The following MSANTD1 variants were observed in gnomAD, a reference collection of about 807,000 sequenced individuals.
MSANTD1 encodes the protein Myb/SANT DNA binding domain containing 1.
MSANTD1 carries 7 observed loss-of-function variants against 24.2 expected under a neutral mutation model. The ratio of observed to expected loss-of-function variants is 0.29; its 90% CI spans 0.16 to 0.54. The LOEUF is 0.54. Ranked by LOEUF, MSANTD1 falls within the 20% of genes least tolerant of loss-of-function variation. The pLI is 0.94. For missense variants in MSANTD1, 384 were observed against 408.2 expected (o/e 0.94, Z 0.51); for synonymous variants, 177 against 181.1 (o/e 0.98, Z 0.18).
rs866518128 is a variant in MSANTD1 at position 3,249,212 on chromosome 4, G to A, written c.-11G>A. On this transcript the variant is annotated 5_prime_UTR_variant, in exon 1 of 3. Coordinates refer to ENST00000438480, the MANE Select transcript of MSANTD1 (RefSeq NM_001042690.2). ...CTGCCTTCGAGCGAGCGTGAGCGGC[G>A]CCTCCCGCCCATGGTGCGTGGGGCC... 28 of 1,381,152 alleles carry A rather than the reference G, an allele frequency of 2.0e-5. No individual in the cohort carries two copies. The highest frequency in any genetic ancestry group is 3.3e-5 in the Admixed American group (1 of 30,250). The allele number at this position is 1,381,152 out of a possible 1,614,324, so 85.6% of individuals were successfully genotyped here. A position where few individuals can be genotyped will look rare whatever the true frequency, so the allele number is the denominator to read the frequency against.
Position 3,253,153 on chromosome 4 carries a change from A to G in MSANTD1, c.321-54A>G, listed in dbSNP as rs1174375348. 5.4e-6 allele frequency: 8 copies of G among 1,475,016 alleles called. No homozygotes were observed. The African/African-American group carries it at 1.0e-4, about 18-fold the overall frequency. The allele number at this position is 1,475,016 out of a possible 1,614,324, so 91.4% of individuals were successfully genotyped here. ...CCCCTCTGCTGAGGCTGGGCAGGAC[A>G]GGGGCTGGGCCAGCTCTGTTTCTCA... On this transcript the variant is annotated intron_variant, in intron 1 of 2. Coordinates refer to ENST00000438480, the MANE Select transcript of MSANTD1 (RefSeq NM_001042690.2).
At chr4:3,253,575 G>C (rs186719032) in intron 2 of MSANTD1, 93 bp downstream of exon 2, 4 of 1,310,336 alleles carry the variant, frequency 3.1e-6, no homozygotes, top group Non-Finnish European at 3.9e-6. Flanking sequence ...CGGCGGCGGC[G>C]GCCACAGTGG....
chr4:3,249,360 G>A lies in MSANTD1; in HGVS notation c.138G>A (p.Trp46Ter). 1 of 1,560,274 alleles carries A rather than the reference G, an allele frequency of 6.4e-7. No individual in the cohort carries two copies. The highest frequency in any genetic ancestry group is 8.7e-7 in the Non-Finnish European group (1 of 1,152,460). ...AGAAGCACCGGCGGGCCCGCAACTG[G>A]ACGGACGCCGAGATGCGCGGCCTCA... ...QAEKHRRARN[W>*]TDAEMRGLML... The change falls in exon 1 of 3, where the codon TGG (tryptophan) becomes TGA (stop). Residue 46 changes from tryptophan (W) to a stop codon, truncating the protein, a stop_gained. Transcript: ENST00000438480. LOFTEE classifies it high-confidence loss of function.
rs1291461648 is a variant in MSANTD1 at position 3,256,458 on chromosome 4, G to A, written c.*493G>A. The A allele has an allele frequency of 6.6e-6, 1 of 152,622 alleles. No homozygotes were observed. Among genetic ancestry groups the A allele is most frequent in the Non-Finnish European group, 1.5e-5 (1 of 68,244 alleles). 9.5% of individuals were successfully genotyped at this position (152,622 alleles called of 1,614,324 possible). On this transcript the variant is annotated 3_prime_UTR_variant, in exon 3 of 3. Coordinates refer to ENST00000438480, the MANE Select transcript of MSANTD1 (RefSeq NM_001042690.2). Reference sequence around the variant, plus strand: ...GGAACCCTGTGTCCTCCCTCACCAGGACCTCTGCGTCTCTCCTTAAATGGC... The same window carrying A: ...GGAACCCTGTGTCCTCCCTCACCAGAACCTCTGCGTCTCTCCTTAAATGGC...
chr4:3,254,802 T>G (rs1485141369), intron 2 of MSANTD1, among the ~76,000 whole-genome samples: 1 of 152,238 alleles, frequency 6.6e-6, no homozygotes, highest in Admixed American at 6.5e-5. Flanking sequence ...TCTAGGTGCC[T>G]GTCCTTCTGC....
At position 3,256,017 on chromosome 4, in the gene MSANTD1, G is replaced by A; in HGVS notation, c.*52G>A. The A allele has an allele frequency of 2.1e-6, 3 of 1,437,876 alleles. No individual in the cohort carries two copies. The highest frequency in any genetic ancestry group is 2.7e-6 in the Non-Finnish European group (3 of 1,100,528). The allele number at this position is 1,437,876 out of a possible 1,614,324, so 89.1% of individuals were successfully genotyped here. On this transcript the variant is annotated 3_prime_UTR_variant, in exon 3 of 3. Coordinates refer to ENST00000438480, the MANE Select transcript of MSANTD1 (RefSeq NM_001042690.2). Reference sequence around the variant, plus strand: ...CCGGGCGGCTGGTGGTACTGCTCAGGCCACCCAGGGCAGGCCACTCAGGCC... The same window carrying A: ...CCGGGCGGCTGGTGGTACTGCTCAGACCACCCAGGGCAGGCCACTCAGGCC...
At chr4:3,250,510 T>TGTGAAGGTCATAGGTGTGCG (rs1722191680) in intron 1 of MSANTD1, among the ~76,000 whole-genome samples, 3 of 151,824 alleles carry the variant, frequency 2.0e-5, no homozygotes, top group South Asian at 2.1e-4. Context: ...TCTTGCAGGG[T>TGTGAAGGTCATAGGTGTGCG]GTGAAGGTCA....
rs376669454 is a variant in MSANTD1, at chr4:3,253,533, C to T, written c.596+51C>T. 7 of 1,431,360 alleles carry T rather than the reference C, an allele frequency of 4.9e-6. No individual in the cohort carries two copies. The African/African-American group carries it at 1.0e-4, about 21-fold the overall frequency. The allele number at this position is 1,431,360 out of a possible 1,614,324, so 88.7% of individuals were successfully genotyped here. Reference sequence around the variant, plus strand: ...TGCCCTGGGGTATCTCAGCCCCCACCATTTAGAGAAAGGGACTGGGAGTGG... The same window carrying T: ...TGCCCTGGGGTATCTCAGCCCCCACTATTTAGAGAAAGGGACTGGGAGTGG... On this transcript the variant is annotated intron_variant, in intron 2 of 2. Transcript: ENST00000438480.
At chr4:3,254,197 A>G (rs1722317779) in intron 2 of MSANTD1, among the ~76,000 whole-genome samples, 1 of 152,132 alleles carries the variant, frequency 6.6e-6, no homozygotes, top group Non-Finnish European at 1.5e-5. Flanking sequence ...AAGAACAGGA[A>G]GATTGTGGAT....
chr4:3,255,137 C>T (rs1722347217), intron 2 of MSANTD1, among the ~76,000 whole-genome samples: 1 of 152,256 alleles, frequency 6.6e-6, no homozygotes, highest in Admixed American at 6.5e-5. Context: ...CCTTTCCAGA[C>T]CGAAGGGGTG....
intron 1 of MSANTD1, among the ~76,000 whole-genome samples, chr4:3,250,099 A>C (rs1290603033): frequency 6.6e-6 from 1 of 152,000 alleles, no homozygotes; most frequent in East Asian, 1.9e-4. Flanking sequence ...GGTGAGCCCC[A>C]CTGGGGCTGG....
rs1722385034 is a variant in MSANTD1, at chr4:3,256,094, C to G, written c.*129C>G. 8.4e-7 allele frequency: 1 copy of G among 1,188,990 alleles called. No individual in the cohort carries two copies. The highest frequency in any genetic ancestry group is 1.1e-6 in the Non-Finnish European group (1 of 896,096). 73.7% of individuals were successfully genotyped at this position (1,188,990 alleles called of 1,614,324 possible). A position where few individuals can be genotyped will look rare whatever the true frequency, so the allele number is the denominator to read the frequency against. On this transcript the variant is annotated 3_prime_UTR_variant, in exon 3 of 3. Coordinates refer to ENST00000438480, the MANE Select transcript of MSANTD1 (RefSeq NM_001042690.2). Reference sequence around the variant, plus strand: ...GCGGAGACCGCCTTCCACCTGGCCTCTGGCAGGATGTCCCTTCTGAGGGGT... The same window carrying G: ...GCGGAGACCGCCTTCCACCTGGCCTGTGGCAGGATGTCCCTTCTGAGGGGT...
At chr4:3,246,762 G>C (rs1055112746), upstream of MSANTD1, 1 of 640,922 alleles carries the variant, frequency 1.6e-6, no homozygotes, top group Non-Finnish European at 2.8e-6. Flanking sequence ...TGCCTGCCTG[G>C]TTCTTGTCCT....
Position 3,255,959 on chromosome 4 carries a change from C to G in MSANTD1, c.831C>G (p.Ser277Arg). 1 of 1,527,000 alleles carries G rather than the reference C, an allele frequency of 6.5e-7. No homozygotes were observed. The highest frequency in any genetic ancestry group is 1.4e-5 in the African/African-American group (1 of 72,244). The allele number at this position is 1,527,000 out of a possible 1,614,324, so 94.6% of individuals were successfully genotyped here. Residue 277 changes from serine (S) to arginine (R), a missense_variant, in exon 3 of 3, where the codon AGC becomes AGG. Physicochemically the swap from Ser to Arg is moderately radical, Grantham distance 110 (BLOSUM62 -1). Transcript: ENST00000438480. ...SLLERIITKSSV is the reference protein window; with the variant it reads ...SLLERIITKSRV The stretch of plus-strand genomic sequence containing the variant: ...TGGAGAGGATCATCACCAAGTCCAG[C>G]GTCTAGGCCAGCAGGCGGCGGCGGC...
chr4:3,254,435 G>C (rs1316169157), intron 2 of MSANTD1, among the ~76,000 whole-genome samples: 1 of 152,228 alleles, frequency 6.6e-6, no homozygotes, highest in Non-Finnish European at 1.5e-5. Flanking sequence ...CCCGTGGACT[G>C]AGCCCAGTTC....
At chr4:3,251,166 G>A (rs936240280) in intron 1 of MSANTD1, among the ~76,000 whole-genome samples, 15 of 152,332 alleles carry the variant, frequency 9.8e-5, no homozygotes, top group African/African-American at 2.6e-4. Flanking sequence ...CACTGTTCCC[G>A]TGGCCTCCTA....
At chr4:3,253,100 C>A in intron 1 of MSANTD1, 107 bp from the exon 2 acceptor site, 1 of 1,196,582 alleles carries the variant, frequency 8.4e-7, no homozygotes, top group Non-Finnish European at 1.1e-6. Context: ...CAGCCGAGAG[C>A]GGCTCCTGCC....
chr4:3,254,474 A>T (rs1233440036), intron 2 of MSANTD1, among the ~76,000 whole-genome samples: 2 of 152,200 alleles, frequency 1.3e-5, no homozygotes, highest in African/African-American at 4.8e-5. Flanking sequence ...GGCCTTGCAC[A>T]GGACTGGGGC....
chr4:3,253,085 C>T (rs2110321630), intron 1 of MSANTD1, 122 bp from the exon 2 acceptor site: 1 of 1,069,048 alleles, frequency 9.4e-7, no homozygotes. Context: ...TGGGGAGGCC[C>T]TTGCCAGCCG....
Sources: allele counts gnomAD v4.1 joint callset (sites outside exome capture counted in the v4.1 genomes callset), GRCh38; gene constraint gnomAD v4.1.1; transcripts MANE v1.5; gene names NCBI Gene and HGNC (gene_info 2026-07-23, HGNC 2026-07-21).